WDR7: variants seen among roughly 807,000 people sequenced by gnomAD.
WDR7 encodes the protein WD repeat-containing protein 7.
Under a neutral mutation model 169.4 loss-of-function variants are expected in WDR7, and 46 were observed. That is an observed-to-expected ratio of 0.27 (90% CI 0.21 to 0.35). The LOEUF (loss-of-function observed/expected upper bound fraction) is 0.35, where lower values mean the gene tolerates loss of function less well. Among genes scored for constraint, WDR7 ranks in the 10% least tolerant of loss-of-function variants. The probability of loss-of-function intolerance (pLI) is 1.00; values close to 1 mark genes in which losing one functional copy is unlikely to be tolerated. For missense variants in WDR7, 1,534 were observed against 1,859.3 expected (o/e 0.83, Z 3.22); for synonymous variants, 612 against 666.8 (o/e 0.92, Z 1.27).
At chr18:56,836,795 A>G (rs1271242391) in intron 20 of WDR7, among the ~76,000 whole-genome samples, 1 of 152,224 alleles carries the variant, frequency 6.6e-6, no homozygotes, top group Non-Finnish European at 1.5e-5. Context: ...GTCAACGGGA[A>G]TTTTTATATT....
chr18:56,721,725 T>C (rs867761696), intron 13 of WDR7: 1 of 152,228 alleles, frequency 6.6e-6, no homozygotes, highest in Non-Finnish European at 1.5e-5. Context: ...TCCTGTCTGT[T>C]TGGGAAACAG....
intron 1 of WDR7, among the ~76,000 whole-genome samples, chr18:56,662,320 A>G (rs1308590907): frequency 6.6e-6 from 1 of 152,218 alleles, no homozygotes; most frequent in Non-Finnish European, 1.5e-5. Context: ...AGGAATTAAC[A>G]TTGATCTGAT....
intron 26 of WDR7, among the ~76,000 whole-genome samples, chr18:56,977,060 C>T (rs1238284268): frequency 6.6e-6 from 1 of 152,204 alleles, no homozygotes; most frequent in Non-Finnish European, 1.5e-5. Flanking sequence ...TTTAAAGCAG[C>T]TTCTTTGCCT....
intron 22 of WDR7, among the ~76,000 whole-genome samples, chr18:56,926,840 C>T (rs1156793784): frequency 6.6e-6 from 1 of 152,102 alleles, no homozygotes; most frequent in African/African-American, 2.4e-5. Flanking sequence ...CTGTTACATC[C>T]GTGACACACT....
At chr18:56,730,470 G>A (rs934508526) in intron 13 of WDR7, among the ~76,000 whole-genome samples, 19 of 152,098 alleles carry the variant, frequency 1.2e-4, no homozygotes, top group African/African-American at 3.1e-4. Context: ...ATAAAGAAGC[G>A]TTAAAGTAGT....
At chr18:56,704,381 GA>G (rs11407784) in intron 12 of WDR7, among the ~76,000 whole-genome samples, 3 of 145,330 alleles carry the variant, frequency 2.1e-5, no homozygotes, top group African/African-American at 5.1e-5. Flanking sequence ...TATCAAAAAA[GA>G]AAAAAAAAAA....
intron 1 of WDR7, among the ~76,000 whole-genome samples, chr18:56,657,840 A>G (rs1430617562): frequency 6.6e-6 from 1 of 152,228 alleles, no homozygotes; most frequent in Non-Finnish European, 1.5e-5. Flanking sequence ...CTATTAAGGA[A>G]CATATATATT....
intron 21 of WDR7, among the ~76,000 whole-genome samples, chr18:56,894,333 C>G (rs2046303403): frequency 6.6e-6 from 1 of 152,048 alleles, no homozygotes; most frequent in South Asian, 2.1e-4. Context: ...TCCCCATGCC[C>G]TGAAAAGCAC....
intron 1 of WDR7, among the ~76,000 whole-genome samples, chr18:56,666,858 G>C (rs1598945938): frequency 6.7e-6 from 1 of 150,128 alleles, no homozygotes; most frequent in Non-Finnish European, 1.5e-5. Context: ...ATGGTAACCA[G>C]CTATACTCTC....
At chr18:56,818,659 G>A (rs949384646) in intron 20 of WDR7, among the ~76,000 whole-genome samples, 11 of 152,278 alleles carry the variant, frequency 7.2e-5, no homozygotes, top group African/African-American at 2.4e-4. Context: ...ATAGATTTTT[G>A]TGAGGGTTTA....
rs571389194 is a variant in WDR7 at position 56,819,512 on chromosome 18, C to T, written c.3304+3368C>T. Among the ~76,000 whole-genome samples, 324 of 152,236 alleles carry T rather than the reference C, an allele frequency of 2.1e-3. 2 individuals are homozygous for T. Among genetic ancestry groups the T allele is most frequent in the African/African-American group, 7.6e-3 (316 of 41,556 alleles). ...TGTCTTGAGGTTCATCAAATTCTTT[C>T]CTTTAACCATAGGTTTTAAATTATA... On this transcript the variant is annotated intron_variant, in intron 20 of 27. Transcript: ENST00000254442.
intron 20 of WDR7, among the ~76,000 whole-genome samples, chr18:56,840,430 T>C (rs576683170): frequency 6.6e-6 from 1 of 152,188 alleles, no homozygotes; most frequent in African/African-American, 2.4e-5. Flanking sequence ...ATATTCAGTG[T>C]TATCAAGTAA....
intron 12 of WDR7, among the ~76,000 whole-genome samples, chr18:56,713,958 A>G (rs2144723261): frequency 6.6e-6 from 1 of 152,300 alleles, no homozygotes; most frequent in South Asian, 2.1e-4. Context: ...ATTATTTATT[A>G]TTACTCTGTT....
chr18:56,982,466 CA>C (rs1206416967), intron 26 of WDR7, among the ~76,000 whole-genome samples: 1 of 151,156 alleles, frequency 6.6e-6, no homozygotes, highest in Non-Finnish European at 1.5e-5. Flanking sequence ...GAATTTTCAT[CA>C]AGGAAAATTT....
At chr18:56,975,047 G>A (rs2047545271) in intron 26 of WDR7, among the ~76,000 whole-genome samples, 1 of 152,060 alleles carries the variant, frequency 6.6e-6, no homozygotes, top group Admixed American at 6.5e-5. Flanking sequence ...AGACCACCCT[G>A]GCTAACATGG....
chr18:56,790,774 T>C (rs1185939100), intron 19 of WDR7, among the ~76,000 whole-genome samples: 1 of 152,150 alleles, frequency 6.6e-6, no homozygotes, highest in African/African-American at 2.4e-5. Context: ...TAAATATGTT[T>C]TAATATTTAT....
chr18:56,874,645 C>G (rs2045998618), intron 20 of WDR7, among the ~76,000 whole-genome samples: 1 of 151,998 alleles, frequency 6.6e-6, no homozygotes, highest in African/African-American at 2.4e-5. Context: ...TGTTTCATAA[C>G]TAAACTTTTA....
At chr18:56,758,373 G>C (rs574745452) in intron 15 of WDR7, among the ~76,000 whole-genome samples, 59 of 152,306 alleles carry the variant, frequency 3.9e-4, no homozygotes, top group Non-Finnish European at 7.5e-4. Flanking sequence ...CTGAGACACA[G>C]AGAGATGATG....
At chr18:56,956,633 T>A (rs1460068346) in intron 25 of WDR7, among the ~76,000 whole-genome samples, 1 of 152,134 alleles carries the variant, frequency 6.6e-6, no homozygotes, top group Non-Finnish European at 1.5e-5. Context: ...ACTGTAGAAG[T>A]CCTGTTGTTC....
Sources: allele counts gnomAD v4.1 joint callset (sites outside exome capture counted in the v4.1 genomes callset), GRCh38; gene constraint gnomAD v4.1.1; transcripts MANE v1.5; gene names NCBI Gene and HGNC (gene_info 2026-07-23, HGNC 2026-07-21).